The following FILIP1L variants were observed in gnomAD, a reference collection of about 807,000 sequenced individuals.
FILIP1L encodes the protein filamin A interacting protein 1 like.
In FILIP1L, 55 loss-of-function variants were observed where a neutral mutation model predicts 96.6. The observed-to-expected ratio is 0.57, with a 90% CI of 0.46 to 0.71. The LOEUF is 0.71. Among genes scored for constraint, FILIP1L ranks in the 30% least tolerant of loss-of-function variants. The pLI, the probability that FILIP1L is intolerant of heterozygous loss-of-function variation, is 0.00. For missense variants in FILIP1L, 1,304 were observed against 1,321.2 expected (o/e 0.99, Z 0.20); for synonymous variants, 467 against 473.9 (o/e 0.99, Z 0.19).
chr3:99,938,778 C>G (rs1383744258), intron 1 of FILIP1L, among the ~76,000 whole-genome samples: 1 of 152,014 alleles, frequency 6.6e-6, no homozygotes, highest in African/African-American at 2.4e-5. Context: ...CCAGGTTGTG[C>G]TCACATGGCC....
At chr3:99,870,676 TA>T (rs922280806) in intron 4 of FILIP1L, among the ~76,000 whole-genome samples, 4 of 152,222 alleles carry the variant, frequency 2.6e-5, no homozygotes, top group Admixed American at 2.6e-4. Flanking sequence ...AGGAGAATTA[TA>T]AGCCCTAGGC....
chr3:100,017,776 A>T (rs1372309625), intron 1 of FILIP1L, among the ~76,000 whole-genome samples: 3 of 152,088 alleles, frequency 2.0e-5, no homozygotes, highest in Non-Finnish European at 4.4e-5. Context: ...AATACAAAAA[A>T]AAGAAACACT....
At chr3:99,934,430 GT>G (rs1220505147) in intron 1 of FILIP1L, among the ~76,000 whole-genome samples, 1 of 152,002 alleles carries the variant, frequency 6.6e-6, no homozygotes, top group Non-Finnish European at 1.5e-5. Flanking sequence ...TTTGGTTTTT[GT>G]TTTTTTCATT....
intron 1 of FILIP1L, among the ~76,000 whole-genome samples, chr3:99,999,370 G>A (rs939249209): frequency 6.6e-6 from 1 of 152,236 alleles, no homozygotes; most frequent in Non-Finnish European, 1.5e-5. Context: ...AGAGTCATAA[G>A]TATAGAGTTG....
rs1347604003 is a variant in FILIP1L at position 99,989,455 on chromosome 3, A to T, written c.-10-58425T>A. 7.2e-5 allele frequency among the ~76,000 whole-genome samples: 11 copies of T among 152,078 alleles called. No homozygotes were observed. The South Asian group carries it at 2.1e-3, about 29-fold the overall frequency. ...CCCCCACATTTTCTGGAGACCCAAA[A>T]CTACAGCACTCTGGATGTTTTCCTC... On this transcript the variant is annotated intron_variant, in intron 1 of 5. Coordinates refer to ENST00000477258, the MANE Select transcript of FILIP1L (RefSeq NM_001387850.1).
chr3:99,924,539 A>G, intron 3 of FILIP1L, 131 bp from the exon 4 acceptor site: 1 of 950,836 alleles, frequency 1.1e-6, no homozygotes, highest in Non-Finnish European at 1.6e-6. Flanking sequence ...TTTGTTTTGA[A>G]ACAGTTTTCG....
intron 1 of FILIP1L, among the ~76,000 whole-genome samples, chr3:99,997,400 A>AT (rs1279554209): frequency 1.3e-5 from 2 of 152,226 alleles, no homozygotes; most frequent in Non-Finnish European, 2.9e-5. Context: ...TCACAAGTGT[A>AT]TTATTGGGAA....
At position 100,028,971 on chromosome 3, in the gene FILIP1L, G is replaced by A. The variant is rs79992929; in HGVS notation, c.-11+85082C>T. On this transcript the variant is annotated intron_variant, in intron 1 of 5. Coordinates refer to ENST00000477258, the MANE Select transcript of FILIP1L (RefSeq NM_001387850.1). ...CTGTTGATGTTTTACAAGCTCGTCA[G>A]TCCGTTACTTGAGCAGTTACTTGAG... Among the ~76,000 whole-genome samples the A allele has an allele frequency of 4.5e-3, 689 of 152,130 alleles. 7 individuals carry two copies. The highest frequency in any genetic ancestry group is 0.016 in the African/African-American group (675 of 41,520).
At chr3:99,921,709 G>A (rs1478385076) in intron 4 of FILIP1L, among the ~76,000 whole-genome samples, 1 of 152,082 alleles carries the variant, frequency 6.6e-6, no homozygotes, top group Non-Finnish European at 1.5e-5. Context: ...TCCTATAAAG[G>A]AAACTTTATA....
intron 1 of FILIP1L, among the ~76,000 whole-genome samples, chr3:99,950,698 C>T (rs1708150598): frequency 6.6e-6 from 1 of 152,176 alleles, no homozygotes; most frequent in Non-Finnish European, 1.5e-5. Context: ...CCACGATTCT[C>T]TTTACACGTT....
At chr3:100,071,488 A>C (rs7620228) in intron 1 of FILIP1L, among the ~76,000 whole-genome samples, 27,638 of 152,058 alleles carry the variant, frequency 0.18, 2,902 homozygotes, top group South Asian at 0.25. Flanking sequence ...CTGGATTTCA[A>C]AGCATTCACT....
intron 1 of FILIP1L, among the ~76,000 whole-genome samples, chr3:100,004,932 A>G (rs1229195092): frequency 6.6e-6 from 1 of 152,142 alleles, no homozygotes; most frequent in African/African-American, 2.4e-5. Flanking sequence ...CCCATTAGAT[A>G]TTGGATTTCA....
intron 1 of FILIP1L, among the ~76,000 whole-genome samples, chr3:99,973,887 T>G (rs1708894200): frequency 6.6e-6 from 1 of 152,186 alleles, no homozygotes; most frequent in South Asian, 2.1e-4. Flanking sequence ...GTGTTCTTGA[T>G]AGACAATATA....
chr3:100,066,811 G>A lies in FILIP1L; in HGVS notation c.-11+47242C>T, dbSNP rs574954076. On this transcript the variant is annotated intron_variant, in intron 1 of 5. Coordinates refer to ENST00000477258, the MANE Select transcript of FILIP1L (RefSeq NM_001387850.1). ...CTCCCAAAGTGCTGGGATTACAGGC[G>A]TGGCTTTGCTTCTTAAACCACCCAG... 3.2e-5 allele frequency among the ~76,000 whole-genome samples: 3 copies of A among 94,828 alleles called. No homozygotes were observed. In the East Asian group the frequency reaches 8.2e-4, roughly 26 times the overall value. The allele number at this position is 94,828 out of a possible 152,430, so 62.2% of individuals were successfully genotyped here.
intron 1 of FILIP1L, chr3:100,023,314 A>G (rs1170404832): frequency 3.3e-5 from 5 of 152,622 alleles, no homozygotes; most frequent in Non-Finnish European, 5.9e-5. Context: ...GTTTTATGCA[A>G]ACAGAGCCTG....
rs534998676 is a variant in FILIP1L, at chr3:99,919,409, G to T, written c.605+4821C>A. Among the ~76,000 whole-genome samples the T allele has an allele frequency of 1.1e-3, 160 of 147,944 alleles. 1 individual carries two copies. Among genetic ancestry groups the T allele is most frequent in the Non-Finnish European group, 1.7e-3 (117 of 67,238 alleles). ...GGTGAGGACCACATCTACCTTGTTC[G>T]CCCAGTATCTAGTATGGGACCTGGC... On this transcript the variant is annotated intron_variant, in intron 4 of 5. Coordinates refer to ENST00000477258, the MANE Select transcript of FILIP1L (RefSeq NM_001387850.1).
chr3:100,089,213 A>G (rs2066063040), intron 1 of FILIP1L, among the ~76,000 whole-genome samples: 1 of 152,170 alleles, frequency 6.6e-6, no homozygotes, highest in South Asian at 2.1e-4. Context: ...CAGTGGCTTA[A>G]AGATATGTAG....
At chr3:100,087,718 G>A (rs1420886991) in intron 1 of FILIP1L, among the ~76,000 whole-genome samples, 1 of 151,098 alleles carries the variant, frequency 6.6e-6, no homozygotes, top group African/African-American at 2.4e-5. Flanking sequence ...CAAAGGAAAA[G>A]TTTTTGAAGA....
At chr3:99,932,077 A>G (rs2107664484) in intron 1 of FILIP1L, among the ~76,000 whole-genome samples, 1 of 152,348 alleles carries the variant, frequency 6.6e-6, no homozygotes, top group African/African-American at 2.4e-5. Flanking sequence ...GCTACCACAC[A>G]AATTTATAAA....
Sources: gnomAD v4.1 joint callset for allele counts (sites outside exome capture counted in the v4.1 genomes callset) on GRCh38, gnomAD v4.1.1 for gene constraint, MANE v1.5 for transcripts, NCBI Gene and HGNC (gene_info 2026-07-23, HGNC 2026-07-21) for gene names.